ELF2: variants seen among roughly 807,000 people sequenced by gnomAD.
ELF2 encodes E74 like ETS transcription factor 2.
In ELF2, 11 loss-of-function variants were observed where a neutral mutation model predicts 54.8. The ratio of observed to expected loss-of-function variants is 0.20; its 90% CI spans 0.13 to 0.33. The LOEUF (loss-of-function observed/expected upper bound fraction) is 0.33, where lower values mean the gene tolerates loss of function less well. ELF2 is among the 10% of genes least tolerant of loss of function. The probability of loss-of-function intolerance (pLI) is 1.00; values close to 1 mark genes in which losing one functional copy is unlikely to be tolerated. For missense variants in ELF2, 513 were observed against 703.0 expected (o/e 0.73, Z 3.06); for synonymous variants, 203 against 245.1 (o/e 0.83, Z 1.61).
At chr4:139,170,686 T>A (rs1008350653) in intron 1 of ELF2, among the ~76,000 whole-genome samples, 4 of 147,942 alleles carry the variant, frequency 2.7e-5, no homozygotes, top group African/African-American at 9.9e-5. Flanking sequence ...TATAACTCAA[T>A]AAGTCAAACA....
intron 3 of ELF2, among the ~76,000 whole-genome samples, chr4:139,131,747 T>C (rs1275617655): frequency 6.6e-6 from 1 of 151,336 alleles, no homozygotes; most frequent in Non-Finnish European, 1.5e-5. Flanking sequence ...GTGCACTTGC[T>C]ATGCAAACCC....
At chr4:139,080,360 T>G (rs531595219) in intron 4 of ELF2, among the ~76,000 whole-genome samples, 10 of 152,332 alleles carry the variant, frequency 6.6e-5, no homozygotes, top group Middle Eastern at 3.4e-3. Context: ...ACATACTGCT[T>G]TTAACTTCTT....
At chr4:139,152,872 C>A (rs1578941279) in intron 1 of ELF2, among the ~76,000 whole-genome samples, 2 of 143,336 alleles carry the variant, frequency 1.4e-5, no homozygotes, top group South Asian at 2.2e-4. Context: ...AATACAGCAT[C>A]AATAACAATA....
intron 1 of ELF2, among the ~76,000 whole-genome samples, chr4:139,143,243 G>A (rs555801601): frequency 1.3e-5 from 2 of 152,280 alleles, no homozygotes; most frequent in East Asian, 1.9e-4. Context: ...CAGTCTGCAT[G>A]CAACTTGTGA....
chr4:139,105,007 A>C (rs1734276904), intron 4 of ELF2, among the ~76,000 whole-genome samples: 1 of 152,224 alleles, frequency 6.6e-6, no homozygotes, highest in Non-Finnish European at 1.5e-5. Context: ...GTTATTCAAC[A>C]ACGAATTGTT....
intron 1 of ELF2, among the ~76,000 whole-genome samples, chr4:139,142,813 T>A (rs555891068): frequency 2.0e-5 from 3 of 151,454 alleles, no homozygotes; most frequent in African/African-American, 7.3e-5. Context: ...GCTGCAGTGA[T>A]CCAAGATCTC....
rs181238997 is a variant in ELF2, at chr4:139,068,075, G to A, written c.527-305C>T. Among the ~76,000 whole-genome samples the A allele has an allele frequency of 6.1e-3, 921 of 151,616 alleles. 12 individuals carry two copies. Among genetic ancestry groups the A allele is most frequent in the African/African-American group, 0.021 (886 of 41,310 alleles). On this transcript the variant is annotated intron_variant, in intron 6 of 9. Coordinates refer to ENST00000686138, the MANE Select transcript of ELF2 (RefSeq NM_001331036.3). ...AGAGTCTTGCTCTGTCGCCCAGGCT[G>A]GAGTGCACGATCTCCGCTCACTGCA...
chr4:139,090,973 G>A (rs940821436), intron 4 of ELF2, among the ~76,000 whole-genome samples: 3 of 152,004 alleles, frequency 2.0e-5, no homozygotes, highest in South Asian at 2.1e-4. Flanking sequence ...TCACTCTGTC[G>A]CCCAGGCTGG....
chr4:139,074,901 G>C (rs1730071995), intron 4 of ELF2, among the ~76,000 whole-genome samples: 1 of 152,204 alleles, frequency 6.6e-6, no homozygotes, highest in Non-Finnish European at 1.5e-5. Context: ...TATCTGCCAG[G>C]TGGAGGAGAC....
chr4:139,099,371 T>A (rs1733633461), intron 4 of ELF2, among the ~76,000 whole-genome samples: 1 of 152,262 alleles, frequency 6.6e-6, no homozygotes, highest in East Asian at 1.9e-4. Flanking sequence ...TTCCTGGCCC[T>A]GAGCAATTCC....
At position 139,115,403 on chromosome 4, in the gene ELF2, C is replaced by T. The variant is rs1344100955; in HGVS notation, c.238+9761G>A. 10 of 1,000,822 alleles carry T rather than the reference C, an allele frequency of 1.0e-5. No homozygotes were observed. In the Admixed American group the frequency reaches 1.8e-4, roughly 18 times the overall value. 62.0% of individuals were successfully genotyped at this position (1,000,822 alleles called of 1,614,324 possible). ...GGCCGCCGGGGCCACGTGCGCGCAT[C>T]GGGCCCCTCCCTGCGCCACCGCCTC... On this transcript the variant is annotated intron_variant, in intron 4 of 9. Coordinates refer to ENST00000686138, the MANE Select transcript of ELF2 (RefSeq NM_001331036.3).
intron 6 of ELF2, among the ~76,000 whole-genome samples, chr4:139,068,228 GC>G (rs1255675941): frequency 1.3e-5 from 2 of 152,142 alleles, no homozygotes; most frequent in African/African-American, 2.4e-5. Context: ...CACCGTATTA[GC>G]CAGATGGTCT....
intron 4 of ELF2, among the ~76,000 whole-genome samples, chr4:139,092,254 G>T (rs1158050989): frequency 6.6e-6 from 1 of 151,390 alleles, no homozygotes; most frequent in Non-Finnish European, 1.5e-5. Context: ...CCAGCTATTT[G>T]GGAGGCAGAG....
intron 3 of ELF2, 94 bp from the exon 4 acceptor site, chr4:139,125,423 C>T: frequency 7.1e-7 from 1 of 1,418,318 alleles, no homozygotes; most frequent in Non-Finnish European, 9.5e-7. Flanking sequence ...TCGAGCAGTC[C>T]ACATAATGAG....
chr4:139,161,029 T>C (rs1267362048), intron 1 of ELF2, among the ~76,000 whole-genome samples: 1 of 152,218 alleles, frequency 6.6e-6, no homozygotes, highest in African/African-American at 2.4e-5. Context: ...TGTGTGTGTC[T>C]CCATGTGTGT....
intron 4 of ELF2, among the ~76,000 whole-genome samples, chr4:139,087,647 A>G (rs1291761447): frequency 5.3e-5 from 8 of 151,974 alleles, no homozygotes; most frequent in Non-Finnish European, 7.4e-5. Context: ...TTGTATTTTT[A>G]GTAGAGATGG....
At chr4:139,171,796 C>T (rs907342180) in intron 1 of ELF2, among the ~76,000 whole-genome samples, 9 of 151,910 alleles carry the variant, frequency 5.9e-5, no homozygotes, top group Admixed American at 3.3e-4. Flanking sequence ...TAGTTGTGCT[C>T]GGCTGTAATC....
At chr4:139,171,650 A>T (rs1442408585) in intron 1 of ELF2, among the ~76,000 whole-genome samples, 1 of 151,970 alleles carries the variant, frequency 6.6e-6, no homozygotes, top group African/African-American at 2.4e-5. Flanking sequence ...CAGGCCGGGC[A>T]TGGTGGCTCA....
intron 1 of ELF2, among the ~76,000 whole-genome samples, chr4:139,170,352 C>A (rs1742169657): frequency 6.9e-6 from 1 of 145,426 alleles, no homozygotes; most frequent in Non-Finnish European, 1.5e-5. Context: ...GCAATCTCTG[C>A]CTCCCGGGTT....
Sources: allele counts gnomAD v4.1 joint callset (sites outside exome capture counted in the v4.1 genomes callset), GRCh38; gene constraint gnomAD v4.1.1; transcripts MANE v1.5; gene names NCBI Gene and HGNC (gene_info 2026-07-23, HGNC 2026-07-21).